Variants in VKORC1L1 observed in about 807,000 individuals in gnomAD.
VKORC1L1 encodes vitamin K epoxide reductase complex subunit 1L1.
VKORC1L1 carries 2 observed loss-of-function variants against 18.9 expected under a neutral mutation model. That is an observed-to-expected ratio of 0.11 (90% CI 0.04 to 0.33). The LOEUF is 0.33. VKORC1L1 is among the 10% of genes least tolerant of loss of function. The pLI is 1.00. For missense variants in VKORC1L1, 123 were observed against 224.1 expected, an observed-to-expected ratio of 0.55 and a Z score of 2.88; for synonymous variants, 96 against 100.0, an observed-to-expected ratio of 0.96 and a Z score of 0.24.
intron 1 of VKORC1L1, among the ~76,000 whole-genome samples, chr7:65,928,254 C>CTTTTTTTTTTTTT (rs760146385): frequency 1.9e-5 from 2 of 106,226 alleles, no homozygotes; most frequent in Non-Finnish European, 2.0e-5. Flanking sequence ...TTTTTTCCTT[C>CTTTTTTTTTTTTT]TTTTTTTTTT....
At chr7:65,932,500 C>T (rs1789874769) in intron 1 of VKORC1L1, among the ~76,000 whole-genome samples, 1 of 152,178 alleles carries the variant, frequency 6.6e-6, no homozygotes, top group African/African-American at 2.4e-5. Flanking sequence ...CTCAGCACTA[C>T]TTTAGCTGCA....
At chr7:65,914,590 A>C (rs1284190718) in intron 1 of VKORC1L1, among the ~76,000 whole-genome samples, 1 of 152,204 alleles carries the variant, frequency 6.6e-6, no homozygotes, top group Admixed American at 6.5e-5. Flanking sequence ...CATGGAGTCC[A>C]AGAGAGTGGT....
intron 1 of VKORC1L1, among the ~76,000 whole-genome samples, chr7:65,940,007 G>A (rs1053712914): frequency 2.1e-5 from 3 of 143,686 alleles, no homozygotes; most frequent in Non-Finnish European, 3.1e-5. Context: ...CATTCTGAGG[G>A]AAAATTGTCT....
At chr7:65,872,203 T>C (rs1370153297), upstream of VKORC1L1, among the ~76,000 whole-genome samples, 1 of 152,256 alleles carries the variant, frequency 6.6e-6, no homozygotes, top group Non-Finnish European at 1.5e-5. Flanking sequence ...CATTTTATTC[T>C]GACTTTTCTT....
chr7:65,931,276 CCTCTT>C (rs1789853282), intron 1 of VKORC1L1, among the ~76,000 whole-genome samples: 1 of 151,918 alleles, frequency 6.6e-6, no homozygotes, highest in Non-Finnish European at 1.5e-5. Flanking sequence ...AGTGTTCCCT[CCTCTT>C]CTGTTTTCTG....
At chr7:65,950,272 C>T (rs1027136174) in intron 2 of VKORC1L1, among the ~76,000 whole-genome samples, 2 of 152,024 alleles carry the variant, frequency 1.3e-5, no homozygotes, top group African/African-American at 4.8e-5. Context: ...CATTCTTTAT[C>T]CTTTTTTGTT....
chr7:65,939,705 G>A (rs144475961), intron 1 of VKORC1L1, among the ~76,000 whole-genome samples: 1 of 152,286 alleles, frequency 6.6e-6, no homozygotes, highest in Non-Finnish European at 1.5e-5. Context: ...GAGAAACAAG[G>A]CTTAGCCAGA....
chr7:65,951,746 C>T (rs1790217626), intron 2 of VKORC1L1, among the ~76,000 whole-genome samples: 1 of 152,098 alleles, frequency 6.6e-6, no homozygotes, highest in Non-Finnish European at 1.5e-5. Context: ...TAATTTTCCT[C>T]CTTTTTAAAA....
chr7:65,923,182 G>A (rs1352950409), intron 1 of VKORC1L1, among the ~76,000 whole-genome samples: 4 of 152,060 alleles, frequency 2.6e-5, no homozygotes, highest in African/African-American at 4.8e-5. Flanking sequence ...CAGGTGAATC[G>A]CTTGAGCCCT....
At chr7:65,903,523 C>T (rs1789353968) in intron 1 of VKORC1L1, among the ~76,000 whole-genome samples, 2 of 151,954 alleles carry the variant, frequency 1.3e-5, no homozygotes, top group Admixed American at 6.6e-5. Flanking sequence ...GTGCAGTGAC[C>T]AACACCTGTA....
intron 2 of VKORC1L1, among the ~76,000 whole-genome samples, chr7:65,951,300 G>A (rs913716962): frequency 3.3e-5 from 5 of 152,156 alleles, no homozygotes; most frequent in East Asian, 1.9e-4. Context: ...AAAGGACCGG[G>A]CACAGTGGCT....
rs571241885 is a variant in VKORC1L1, at chr7:65,905,651, C to T, written c.194+32086C>T. On this transcript the variant is annotated intron_variant, in intron 1 of 2. Transcript: ENST00000360768. ...TAATATGAGTATTCTTGTATACTTC[C>T]GTGTAAATCTTTACATCATTGATTT... Among the ~76,000 whole-genome samples, 9 of 152,164 alleles carry T rather than the reference C, an allele frequency of 5.9e-5. No individual in the cohort carries two copies. The South Asian group carries it at 6.2e-4, about 11-fold the overall frequency.
chr7:65,920,253 G>T (rs1161581912), intron 1 of VKORC1L1, among the ~76,000 whole-genome samples: 1 of 151,982 alleles, frequency 6.6e-6, no homozygotes, highest in South Asian at 2.1e-4. Context: ...TTTTCTGCTC[G>T]TCTCTCTCTC....
intron 1 of VKORC1L1, among the ~76,000 whole-genome samples, chr7:65,900,447 C>T (rs1789296247): frequency 6.6e-6 from 1 of 151,264 alleles, no homozygotes; most frequent in Admixed American, 6.6e-5. Flanking sequence ...CAAAACAGAT[C>T]ATCATTCTTA....
intron 1 of VKORC1L1, among the ~76,000 whole-genome samples, chr7:65,887,104 C>T (rs1485583229): frequency 1.5e-4 from 23 of 151,792 alleles, no homozygotes; most frequent in Admixed American, 1.5e-3. Flanking sequence ...CCACCTCAGC[C>T]TCCCAAAGTG....
chr7:65,918,391 A>T (rs1789622545), intron 1 of VKORC1L1, among the ~76,000 whole-genome samples: 1 of 152,268 alleles, frequency 6.6e-6, no homozygotes, highest in African/African-American at 2.4e-5. Flanking sequence ...AAGCAAAGGC[A>T]TTCGTATGAC....
chr7:65,878,124 A>G (rs1788861098), intron 1 of VKORC1L1, among the ~76,000 whole-genome samples: 1 of 152,088 alleles, frequency 6.6e-6, no homozygotes, highest in African/African-American at 2.4e-5. Flanking sequence ...TTACTACCCC[A>G]TTGAGATAAT....
chr7:65,900,595 G>C (rs558858366), intron 1 of VKORC1L1, among the ~76,000 whole-genome samples: 1 of 152,182 alleles, frequency 6.6e-6, no homozygotes, highest in East Asian at 1.9e-4. Flanking sequence ...TTAAGGCCAG[G>C]AGTTCGAGAC....
At position 65,959,154 on chromosome 7, in the gene VKORC1L1, A is replaced by G. The variant is rs1790352887; in HGVS notation, c.*4854A>G. ...CCTGCCTCTACTGAAAAATACAGAA[A>G]AATTAGCCAGGATTGTGGTGTGCGC... On this transcript the variant is annotated 3_prime_UTR_variant, in exon 3 of 3. Transcript: ENST00000360768. 1 of 152,152 alleles carries G rather than the reference A, an allele frequency of 6.6e-6. No individual in the cohort carries two copies. The highest frequency in any genetic ancestry group is 2.4e-5 in the African/African-American group (1 of 41,428). 9.4% of individuals were successfully genotyped at this position (152,152 alleles called of 1,614,324 possible). A position where few individuals can be genotyped will look rare whatever the true frequency, so the allele number is the denominator to read the frequency against.
Sources: allele counts gnomAD v4.1 joint callset (sites outside exome capture counted in the v4.1 genomes callset), GRCh38; gene constraint gnomAD v4.1.1; transcripts MANE v1.5; gene names NCBI Gene and HGNC (gene_info 2026-07-23, HGNC 2026-07-21).